Variants in MYO7B observed in about 807,000 individuals in gnomAD.
MYO7B encodes the protein unconventional myosin-VIIb.
In MYO7B, 212 loss-of-function variants were observed where a neutral mutation model predicts 259.7. The observed-to-expected ratio is 0.82, with a 90% confidence interval of 0.73 to 0.91. The LOEUF (loss-of-function observed/expected upper bound fraction) is 0.91, where lower values mean the gene tolerates loss of function less well. MYO7B is among the 40% of genes least tolerant of loss of function. MYO7B has a pLI of 0.00. For missense variants in MYO7B, 2,732 were observed against 2,813.5 expected, an observed-to-expected ratio of 0.97 and a Z score of 0.66; for synonymous variants, 1,197 against 1,166.4, an observed-to-expected ratio of 1.03 and a Z score of -0.54.
chr2:127,549,874 GC>G (rs1693382105), intron 1 of MYO7B, among the ~76,000 whole-genome samples: 1 of 152,174 alleles, frequency 6.6e-6, no homozygotes, highest in South Asian at 2.1e-4. Context: ...TGGGAATTAA[GC>G]CATCCAAATG....
In MYO7B at chr2:127,627,813, C is replaced by T; in HGVS notation, c.4460+503C>T. 2.2e-6 allele frequency: 1 copy of T among 457,856 alleles called. No individual in the cohort carries two copies. The highest frequency in any genetic ancestry group is 4.4e-6 in the Non-Finnish European group (1 of 227,758). 28.4% of individuals were successfully genotyped at this position (457,856 alleles called of 1,614,324 possible). ...AACTTTTCCATGCCCTTTGGGAAGT[C>T]CCACCCAAGCCCTGCCAGAGCGCCC... On this transcript the variant is annotated intron_variant, in intron 33 of 47. Transcript: ENST00000409816. The surrounding 1 kb of genome is among the most constrained non-coding windows in gnomAD (Gnocchi z 5.6).
Position 127,585,776 on chromosome 2 carries a change from T to A in MYO7B, c.1690+863T>A, listed in dbSNP as rs1169513551. 2.0e-5 allele frequency among the ~76,000 whole-genome samples: 3 copies of A among 152,200 alleles called. No individual in the cohort carries two copies. Among genetic ancestry groups the A allele is most frequent in the African/African-American group, 7.2e-5 (3 of 41,456 alleles). Reference sequence around the variant, plus strand: ...GTCTTTGTTATTATAGCTACCCTAGTGGGTTTGAAGTCTCAATGTGATTTG... The same window carrying A: ...GTCTTTGTTATTATAGCTACCCTAGAGGGTTTGAAGTCTCAATGTGATTTG... On this transcript the variant is annotated intron_variant, in intron 14 of 47. Coordinates refer to ENST00000409816, the MANE Select transcript of MYO7B (RefSeq NM_001393586.1). The surrounding 1 kb of genome is among the most constrained non-coding windows in gnomAD (Gnocchi z 4.3).
In MYO7B at chr2:127,546,387, T is replaced by C. The variant is rs2104805953; in HGVS notation, c.-24+10556T>C. 6.6e-6 allele frequency among the ~76,000 whole-genome samples: 1 copy of C among 152,302 alleles called. No homozygotes were observed. Among genetic ancestry groups the C allele is most frequent in the East Asian group, 1.9e-4 (1 of 5,188 alleles). Reference sequence around the variant, plus strand: ...CTTGCCCACTCCAGCCCTGTCCTGGTCCAGCAATGCTTTGATCTTCCCTGC... The same window carrying C: ...CTTGCCCACTCCAGCCCTGTCCTGGCCCAGCAATGCTTTGATCTTCCCTGC... On this transcript the variant is annotated intron_variant, in intron 1 of 47. Transcript: ENST00000409816. The surrounding 1 kb of genome is among the most constrained non-coding windows in gnomAD (Gnocchi z 4.2).
chr2:127,606,212 C>T (rs1020778488), intron 20 of MYO7B, among the ~76,000 whole-genome samples: 2 of 152,196 alleles, frequency 1.3e-5, no homozygotes, highest in Non-Finnish European at 2.9e-5. Flanking sequence ...AATGGAATAC[C>T]TCCTGTCTTT....
At chr2:127,544,112 T>C (rs897403928) in intron 1 of MYO7B, among the ~76,000 whole-genome samples, 7 of 152,138 alleles carry the variant, frequency 4.6e-5, no homozygotes, top group African/African-American at 1.7e-4. Flanking sequence ...AGTCTTGCTC[T>C]GTCACCCAGG....
Position 127,577,324 on chromosome 2 carries a change from A to T in MYO7B, c.849+616A>T, listed in dbSNP as rs1244857967. 6.6e-6 allele frequency among the ~76,000 whole-genome samples: 1 copy of T among 152,086 alleles called. No individual in the cohort carries two copies. On this transcript the variant is annotated intron_variant, in intron 8 of 47. Coordinates refer to ENST00000409816, the MANE Select transcript of MYO7B (RefSeq NM_001393586.1). This position sits in a 1 kb window ranked among gnomAD's most constrained non-coding sequence, Gnocchi z 5.2. ...CTTCACCAGCCCCTGCCTAGACTTC[A>T]TGGGTCCCCCATCGCCAGTCTTGAC...
chr2:127,537,703 AGGAGGG>A (rs954338108), intron 1 of MYO7B, among the ~76,000 whole-genome samples: 12 of 151,500 alleles, frequency 7.9e-5, no homozygotes, highest in South Asian at 2.1e-4. Context: ...GAGGAGGAGG[AGGAGGG>A]GGAGGAGAAG....
At chr2:127,551,273 T>C (rs1185388361) in intron 1 of MYO7B, among the ~76,000 whole-genome samples, 2 of 152,212 alleles carry the variant, frequency 1.3e-5, no homozygotes. Context: ...TCCTAATCTG[T>C]TGTTGACTAT....
rs975869956 is a variant in MYO7B at position 127,577,443 on chromosome 2, C to A, written c.850-690C>A. On this transcript the variant is annotated intron_variant, in intron 8 of 47. Coordinates refer to ENST00000409816, the MANE Select transcript of MYO7B (RefSeq NM_001393586.1). The surrounding 1 kb of genome is among the most constrained non-coding windows in gnomAD (Gnocchi z 5.2). ...GCTTTGGATGGCACTGCTGCAGTGA[C>A]CCCTGCGGCTTGTAGGGTAGAAGTC... Among the ~76,000 whole-genome samples, 5 of 152,280 alleles carry A rather than the reference C, an allele frequency of 3.3e-5. No homozygotes were observed. In the East Asian group the frequency reaches 9.7e-4, roughly 29 times the overall value.
intron 6 of MYO7B, among the ~76,000 whole-genome samples, chr2:127,573,649 C>T (rs1037249107): frequency 1.3e-5 from 2 of 152,214 alleles, no homozygotes; most frequent in African/African-American, 2.4e-5. Context: ...GTTCTGTCTA[C>T]CTTCCACTGC....
chr2:127,623,296 A>G lies in MYO7B; in HGVS notation c.3740A>G (p.Glu1247Gly), dbSNP rs1558843441. 6.2e-7 allele frequency: 1 copy of G among 1,613,268 alleles called. No individual in the cohort carries two copies. The highest frequency in any genetic ancestry group is 8.5e-7 in the Non-Finnish European group (1 of 1,179,670). ...GTGGACTCAGCCTCCACATCTCGGG[A>G]AATGTGCATGCACATCGCTCACAAG... ...VPVDSASTSREMCMHIAHKQG... is the reference protein window; with the variant it reads ...VPVDSASTSRGMCMHIAHKQG... The change falls in exon 29 of 48, where the codon GAA becomes GGA. Residue 1247 changes from glutamate (E) to glycine (G), a missense_variant. Physicochemically the swap from Glu to Gly is moderately conservative, Grantham distance 98. Around this residue, in one of 3 missense-constraint regions of MYO7B, gnomAD observed 1,906 missense variants for 2,026.4 expected, o/e 0.94. Coordinates refer to ENST00000409816, the MANE Select transcript of MYO7B (RefSeq NM_001393586.1).
intron 4 of MYO7B, 79 bp from the exon 5 acceptor site, chr2:127,566,564 G>A: frequency 1.4e-6 from 2 of 1,391,710 alleles, no homozygotes; most frequent in Non-Finnish European, 1.9e-6. Flanking sequence ...GGCAGAGCCA[G>A]AGCCAAGGCC....
intron 30 of MYO7B, among the ~76,000 whole-genome samples, chr2:127,624,643 T>A (rs1283123511): frequency 6.6e-6 from 1 of 152,240 alleles, no homozygotes; most frequent in African/African-American, 2.4e-5. Flanking sequence ...CACCTAAGTC[T>A]GAATCCCACC....
chr2:127,607,931 G>A lies in MYO7B; in HGVS notation c.2643+507G>A. ...TGGGAAAGGCCCCAGTTCCATGGAA[G>A]AGAGCAAAGTGTCCTGGTTACTGGG... On this transcript the variant is annotated intron_variant, in intron 21 of 47. Coordinates refer to ENST00000409816, the MANE Select transcript of MYO7B (RefSeq NM_001393586.1). The surrounding 1 kb of genome is among the most constrained non-coding windows in gnomAD (Gnocchi z 4.4). Among the ~76,000 whole-genome samples the A allele has an allele frequency of 6.6e-6, 1 of 152,198 alleles. No individual in the cohort carries two copies. Among genetic ancestry groups the A allele is most frequent in the Non-Finnish European group, 1.5e-5 (1 of 68,040 alleles).
Position 127,614,984 on chromosome 2 carries a change from C to T in MYO7B, c.3398+2381C>T, listed in dbSNP as rs1308940510. Among the ~76,000 whole-genome samples, 1 of 152,244 alleles carries T rather than the reference C, an allele frequency of 6.6e-6. No homozygotes were observed. The highest frequency in any genetic ancestry group is 2.4e-5 in the African/African-American group (1 of 41,466). Reference sequence around the variant, plus strand: ...GTCACACATTCCACACACACTTGCTCATTACCCACTCTGGGTCAGGCCCCA... The same window carrying T: ...GTCACACATTCCACACACACTTGCTTATTACCCACTCTGGGTCAGGCCCCA... On this transcript the variant is annotated intron_variant, in intron 26 of 47. Coordinates refer to ENST00000409816, the MANE Select transcript of MYO7B (RefSeq NM_001393586.1). This position sits in a 1 kb window ranked among gnomAD's most constrained non-coding sequence, Gnocchi z 4.6.
At chr2:127,551,048 T>G (rs1310284625) in intron 1 of MYO7B, among the ~76,000 whole-genome samples, 2 of 134,810 alleles carry the variant, frequency 1.5e-5, no homozygotes, top group East Asian at 4.3e-4. Context: ...TTGCTTGGGT[T>G]GCCATGACCA....
chr2:127,567,435 C>A (rs762627967), intron 5 of MYO7B, among the ~76,000 whole-genome samples: 5 of 152,172 alleles, frequency 3.3e-5, no homozygotes, highest in African/African-American at 4.8e-5. Flanking sequence ...CAGGTCCTGA[C>A]TGCTTCAGAG....
intron 9 of MYO7B, 66 bp downstream of exon 9, chr2:127,578,352 G>C: frequency 1.9e-6 from 3 of 1,589,004 alleles, no homozygotes; most frequent in South Asian, 2.2e-5. Flanking sequence ...GAGCAGGAAG[G>C]CATCTCTAGG....
chr2:127,582,556 G>A, intron 12 of MYO7B, 110 bp downstream of exon 12: 1 of 1,325,660 alleles, frequency 7.5e-7, no homozygotes, highest in Non-Finnish European at 1.0e-6. Flanking sequence ...CCCAGGCCTG[G>A]CGAGTCCCAC....
Sources: gnomAD v4.1 joint callset for allele counts (sites outside exome capture counted in the v4.1 genomes callset) on GRCh38, gnomAD v4.1.1 for gene constraint, gnomAD v4.1.1 regional missense constraint, Gnocchi (gnomAD v3.1) non-coding constraint, MANE v1.5 for transcripts, NCBI Gene and HGNC (gene_info 2026-07-23, HGNC 2026-07-21) for gene names.